TRDN: variants seen among roughly 807,000 people sequenced by gnomAD.
The protein encoded by TRDN is triadin, also known as triadin in skeletal muscle.
A neutral mutation model predicts 149.7 loss-of-function variants in TRDN; 161 were observed. That is an observed-to-expected ratio of 1.08 (90% CI 0.95 to 1.23). TRDN has a LOEUF of 1.23. TRDN is among the 50% of genes most tolerant of loss of function. The probability of loss-of-function intolerance (pLI) is 0.00; values close to 1 mark genes in which losing one functional copy is unlikely to be tolerated. For missense variants in TRDN, 896 were observed against 823.5 expected (o/e 1.09, Z -1.08); for synonymous variants, 294 against 250.5 (o/e 1.17, Z -1.64).
chr6:123,452,212 CT>C (rs1179427585), intron 10 of TRDN, among the ~76,000 whole-genome samples: 14 of 152,150 alleles, frequency 9.2e-5, no homozygotes, highest in African/African-American at 3.4e-4. Flanking sequence ...ACTCTCACCA[CT>C]TCTCTTCAAC....
chr6:123,627,277 T>G (rs1785725843), intron 1 of TRDN, among the ~76,000 whole-genome samples: 1 of 152,150 alleles, frequency 6.6e-6, no homozygotes, highest in South Asian at 2.1e-4. Flanking sequence ...AATTACTTCT[T>G]GAGCCATGAG....
At chr6:123,351,428 G>C (rs1780459938) in intron 21 of TRDN, 1 of 984,642 alleles carries the variant, frequency 1.0e-6, no homozygotes, top group East Asian at 1.1e-4. Flanking sequence ...TTATATTTCA[G>C]AAACTAAAAT....
At chr6:123,368,332 C>T (rs1488981718) in intron 19 of TRDN, among the ~76,000 whole-genome samples, 1 of 152,198 alleles carries the variant, frequency 6.6e-6, no homozygotes, top group Non-Finnish European at 1.5e-5. Flanking sequence ...CCTTTCCTGA[C>T]ATTCATTGAC....
chr6:123,393,763 A>T (rs551311518), intron 12 of TRDN, 86 bp from the exon 13 acceptor site: 1 of 1,265,926 alleles, frequency 7.9e-7, no homozygotes, highest in Non-Finnish European at 1.1e-6. Context: ...GCACAAACAC[A>T]AACGAGCATA....
chr6:123,227,473 C>T (rs72972638), intron 38 of TRDN, among the ~76,000 whole-genome samples: 16,098 of 151,812 alleles, frequency 0.11, 1,127 homozygotes, highest in Admixed American at 0.22. Flanking sequence ...AACTGTGGTG[C>T]TAGGCCAGTC....
chr6:123,396,401 C>T (rs1582965505), intron 12 of TRDN, among the ~76,000 whole-genome samples: 1 of 152,108 alleles, frequency 6.6e-6, no homozygotes, highest in South Asian at 2.1e-4. Flanking sequence ...ATGATTTTAT[C>T]TTGTCATAGT....
At chr6:123,501,602 G>A (rs1778702538) in intron 8 of TRDN, among the ~76,000 whole-genome samples, 2 of 151,950 alleles carry the variant, frequency 1.3e-5, no homozygotes, top group South Asian at 4.1e-4. Context: ...ATATTTATAT[G>A]TCTGATCTGC....
intron 1 of TRDN, among the ~76,000 whole-genome samples, chr6:123,633,564 A>G (rs980874855): frequency 6.6e-6 from 1 of 152,066 alleles, no homozygotes; most frequent in Non-Finnish European, 1.5e-5. Context: ...CAAGCTTAAT[A>G]CAGTGCTTGA....
intron 9 of TRDN, among the ~76,000 whole-genome samples, chr6:123,485,575 A>T (rs1777936188): frequency 6.6e-6 from 1 of 152,172 alleles, no homozygotes; most frequent in South Asian, 2.1e-4. Context: ...CTACGTGAAT[A>T]TTAAATCAGA....
Position 123,385,684 on chromosome 6 carries a change from T to C in TRDN, c.1135+2838A>G, listed in dbSNP as rs549482014. ...CACATGTATTCAGCTCTATTTTCTC[T>C]ATTTATAGTAAAAAATAAATCTCAT... On this transcript the variant is annotated intron_variant, in intron 14 of 40. Coordinates refer to ENST00000334268, the MANE Select transcript of TRDN (RefSeq NM_006073.4). Among the ~76,000 whole-genome samples the C allele has an allele frequency of 1.1e-3, 165 of 152,320 alleles. 1 individual carries two copies. Among genetic ancestry groups the C allele is most frequent in the African/African-American group, 3.4e-3 (143 of 41,584 alleles).
intron 5 of TRDN, among the ~76,000 whole-genome samples, chr6:123,528,435 G>A (rs1202051118): frequency 6.6e-6 from 1 of 151,800 alleles, no homozygotes; most frequent in Non-Finnish European, 1.5e-5. Context: ...CCACCATAAC[G>A]AATATCTTTT....
intron 5 of TRDN, among the ~76,000 whole-genome samples, chr6:123,521,474 A>G (rs1452264683): frequency 2.0e-5 from 3 of 152,232 alleles, no homozygotes; most frequent in Admixed American, 6.5e-5. Flanking sequence ...GGAGAACTTC[A>G]TCTACAAGGC....
intron 14 of TRDN, among the ~76,000 whole-genome samples, chr6:123,387,606 T>C (rs1405687230): frequency 1.3e-5 from 2 of 152,096 alleles, no homozygotes; most frequent in African/African-American, 4.8e-5. Context: ...TTTATAAAAA[T>C]AATTTTAACC....
At chr6:123,445,930 T>C (rs1250389911) in intron 10 of TRDN, among the ~76,000 whole-genome samples, 1 of 140,462 alleles carries the variant, frequency 7.1e-6, no homozygotes, top group Non-Finnish European at 1.5e-5. Context: ...TAAAGACACA[T>C]GCACACGTAT....
intron 1 of TRDN, among the ~76,000 whole-genome samples, chr6:123,606,824 A>G (rs1048429247): frequency 3.3e-5 from 5 of 152,346 alleles, no homozygotes; most frequent in South Asian, 2.1e-4. Flanking sequence ...TATTGCTTCT[A>G]ATAAGTATTC....
intron 9 of TRDN, among the ~76,000 whole-genome samples, chr6:123,467,580 G>A (rs1285899252): frequency 6.6e-6 from 1 of 152,034 alleles, no homozygotes; most frequent in African/African-American, 2.4e-5. Context: ...CTGTCTCCAT[G>A]GTGACAGTGA....
At chr6:123,250,368 G>T (rs1476117470) in intron 38 of TRDN, among the ~76,000 whole-genome samples, 2 of 151,946 alleles carry the variant, frequency 1.3e-5, no homozygotes, top group African/African-American at 4.8e-5. Flanking sequence ...TGAAAAAAAA[G>T]TCTGAGCCCC....
intron 12 of TRDN, among the ~76,000 whole-genome samples, chr6:123,413,989 G>T (rs1470235738): frequency 2.0e-5 from 3 of 152,070 alleles, no homozygotes; most frequent in African/African-American, 7.2e-5. Context: ...GTTTTCTCTT[G>T]CATTCAGCCC....
In TRDN at chr6:123,266,420, T is replaced by A. The variant is rs1305650341; in HGVS notation, c.1784-1082A>T. On this transcript the variant is annotated intron_variant, in intron 32 of 40. Coordinates refer to ENST00000334268, the MANE Select transcript of TRDN (RefSeq NM_006073.4). ...TATGTATTATATATAATATATAGATTATGATATGTATTATATATAATATAT... is the reference window on the plus strand; with the variant it reads ...TATGTATTATATATAATATATAGATAATGATATGTATTATATATAATATAT... Among the ~76,000 whole-genome samples the A allele has an allele frequency of 2.6e-4, 26 of 98,714 alleles. 8 individuals are homozygous for A. The highest frequency in any genetic ancestry group is 1.2e-3 in the African/African-American group (25 of 21,594). The allele number at this position is 98,714 out of a possible 152,430, so 64.8% of individuals were successfully genotyped here.
Sources: allele counts gnomAD v4.1 joint callset (sites outside exome capture counted in the v4.1 genomes callset), GRCh38; gene constraint gnomAD v4.1.1; transcripts MANE v1.5; gene names NCBI Gene and HGNC (gene_info 2026-07-23, HGNC 2026-07-21).